Variants in RANBP10 observed in about 807,000 individuals in gnomAD.
The protein encoded by RANBP10 is ran-binding protein 10.
RANBP10 carries 24 observed loss-of-function variants against 72.8 expected under a neutral mutation model. The observed-to-expected ratio is 0.33, with a 90% CI of 0.24 to 0.46. The LOEUF (loss-of-function observed/expected upper bound fraction) is 0.46. RANBP10 is among the 20% of genes least tolerant of loss of function. The pLI, the probability that RANBP10 is intolerant of heterozygous loss-of-function variation, is 1.00. For synonymous variants in RANBP10, 310 were observed against 322.3 expected (o/e 0.96, Z 0.41); for missense variants, 679 against 817.5 (o/e 0.83, Z 2.07).
intron 3 of RANBP10, among the ~76,000 whole-genome samples, chr16:67,767,294 A>G (rs2054520040): frequency 1.3e-5 from 2 of 151,956 alleles, no homozygotes; most frequent in African/African-American, 4.8e-5. Context: ...TGGGTGACAC[A>G]AAAACAGTTT....
At chr16:67,771,256 A>AAT (rs980933116) in intron 3 of RANBP10, among the ~76,000 whole-genome samples, 9 of 152,142 alleles carry the variant, frequency 5.9e-5, no homozygotes, top group Non-Finnish European at 1.5e-5. Context: ...CCCTGTCTCA[A>AAT]ATATATATAT....
rs1040254799 is a variant in RANBP10, at chr16:67,723,938, A to T, written c.*2490T>A. On this transcript the variant is annotated 3_prime_UTR_variant, in exon 14 of 14. Transcript: ENST00000317506. The stretch of plus-strand genomic sequence containing the variant: ...CTTGTGGGGCAAAGGCTTATGTCCC[A>T]AAGGTGAGCTGCCCAACTGGGACAG... The T allele has an allele frequency of 6.6e-5, 10 of 152,670 alleles. No homozygotes were observed. Among genetic ancestry groups the T allele is most frequent in the African/African-American group, 2.2e-4 (9 of 41,472 alleles). 9.5% of individuals were successfully genotyped at this position (152,670 alleles called of 1,614,324 possible). A position where few individuals can be genotyped will look rare whatever the true frequency, so the allele number is the denominator to read the frequency against.
intron 3 of RANBP10, among the ~76,000 whole-genome samples, chr16:67,747,722 C>A (rs1243486036): frequency 6.6e-6 from 1 of 151,824 alleles, no homozygotes; most frequent in Non-Finnish European, 1.5e-5. Context: ...CCAGGCTGGT[C>A]TCGAACTCCT....
At chr16:67,776,296 A>G (rs1416657690) in intron 2 of RANBP10, among the ~76,000 whole-genome samples, 4 of 150,904 alleles carry the variant, frequency 2.7e-5, no homozygotes, top group Non-Finnish European at 5.9e-5. Flanking sequence ...ACCAATCTCT[A>G]ATAAAATACA....
chr16:67,790,739 G>A (rs1408839488), intron 2 of RANBP10, among the ~76,000 whole-genome samples: 2 of 151,722 alleles, frequency 1.3e-5, no homozygotes, highest in African/African-American at 2.4e-5. Context: ...TCAATCTGTT[G>A]CCTAGGCTGG....
At chr16:67,779,484 A>G (rs2054772789) in intron 2 of RANBP10, among the ~76,000 whole-genome samples, 1 of 152,056 alleles carries the variant, frequency 6.6e-6, no homozygotes, top group East Asian at 1.9e-4. Context: ...AGGAAAGGGC[A>G]TAACAAAAAC....
intron 3 of RANBP10, among the ~76,000 whole-genome samples, chr16:67,768,793 T>G (rs1268980417): frequency 6.6e-6 from 1 of 152,236 alleles, no homozygotes; most frequent in Non-Finnish European, 1.5e-5. Context: ...TAAGACTACC[T>G]AAAAGACAAA....
chr16:67,801,022 G>C (rs957721847), intron 2 of RANBP10, among the ~76,000 whole-genome samples: 1 of 152,082 alleles, frequency 6.6e-6, no homozygotes, highest in African/African-American at 2.4e-5. Flanking sequence ...GAACATAGTA[G>C]GTATATATAA....
chr16:67,803,875 C>G (rs2055283565), intron 2 of RANBP10, among the ~76,000 whole-genome samples: 1 of 149,006 alleles, frequency 6.7e-6, no homozygotes, highest in Admixed American at 6.8e-5. Context: ...AAAGATACAG[C>G]AGCTTCCCAT....
intron 3 of RANBP10, among the ~76,000 whole-genome samples, chr16:67,760,249 G>A (rs1035828377): frequency 2.6e-5 from 4 of 152,212 alleles, no homozygotes; most frequent in Admixed American, 6.5e-5. Context: ...AGGGAGGAAC[G>A]ATATCAAACA....
chr16:67,747,041 A>C (rs575466135), intron 3 of RANBP10, among the ~76,000 whole-genome samples: 104 of 152,334 alleles, frequency 6.8e-4, no homozygotes, highest in African/African-American at 2.4e-3. Flanking sequence ...CTCTTGGGTA[A>C]ATACTTACAA....
At position 67,729,395 on chromosome 16, in the gene RANBP10, A is replaced by C; in HGVS notation, c.1237T>G (p.Ser413Ala). Residue 413 changes from serine (S) to alanine (A), a missense_variant, in exon 10 of 14, where the codon TCG becomes GCG. By Grantham distance (99) the Ser-to-Ala change is moderately conservative. Coordinates refer to ENST00000317506, the MANE Select transcript of RANBP10 (RefSeq NM_020850.3). This position sits in a 1 kb window ranked among gnomAD's most constrained non-coding sequence, Gnocchi z 7.1. Reference sequence around the variant, plus strand: ...GAGGACGAGGAGGAGGAGGAGGACGAGGATGAGGAGCTGGGTGCAGGGTAT... The same window carrying C: ...GAGGACGAGGAGGAGGAGGAGGACGCGGATGAGGAGCTGGGTGCAGGGTAT... ...SKYPAPSSSS[S>A]SSSSSSSSSP... 1 of 1,611,538 alleles carries C rather than the reference A, an allele frequency of 6.2e-7. No individual in the cohort carries two copies. Among genetic ancestry groups the C allele is most frequent in the Admixed American group, 1.7e-5 (1 of 59,680 alleles).
At chr16:67,758,229 T>G (rs1243009655) in intron 3 of RANBP10, among the ~76,000 whole-genome samples, 1 of 152,192 alleles carries the variant, frequency 6.6e-6, no homozygotes. Flanking sequence ...CAGCACTACC[T>G]GCCAACACCT....
chr16:67,750,734 A>C (rs2054177803), intron 3 of RANBP10, among the ~76,000 whole-genome samples: 1 of 150,888 alleles, frequency 6.6e-6, no homozygotes, highest in Admixed American at 6.6e-5. Flanking sequence ...ATAAGACATA[A>C]GCTGGAAGGT....
At chr16:67,784,617 T>C (rs548765609) in intron 2 of RANBP10, among the ~76,000 whole-genome samples, 1 of 151,902 alleles carries the variant, frequency 6.6e-6, no homozygotes, top group Admixed American at 6.6e-5. Context: ...GATCGAGTCA[T>C]TGCGCTCCAG....
intron 4 of RANBP10, among the ~76,000 whole-genome samples, chr16:67,741,415 G>C (rs1026405619): frequency 1.3e-5 from 2 of 152,232 alleles, no homozygotes; most frequent in African/African-American, 4.8e-5. Flanking sequence ...TTGATGGCAA[G>C]ATCTGAGTTG....
chr16:67,768,092 A>G (rs1171002836), intron 3 of RANBP10, among the ~76,000 whole-genome samples: 1 of 151,802 alleles, frequency 6.6e-6, no homozygotes, highest in African/African-American at 2.4e-5. Flanking sequence ...TTTTTATTAA[A>G]GAAAAAAGAA....
At chr16:67,769,745 CAAAAAAAAAAAAAAAAA>C (rs58319144) in intron 3 of RANBP10, among the ~76,000 whole-genome samples, 9 of 27,724 alleles carry the variant, frequency 3.2e-4, no homozygotes, top group Admixed American at 2.6e-3. Context: ...GACTCCGTCT[CAAAAAAAAAAAAAAAAA>C]AAAAAAAAAA....
chr16:67,774,988 G>A (rs1474955407), intron 2 of RANBP10, among the ~76,000 whole-genome samples: 1 of 152,134 alleles, frequency 6.6e-6, no homozygotes, highest in Non-Finnish European at 1.5e-5. Context: ...AGGAATAAAA[G>A]GAAACTACCT....
Sources: gnomAD v4.1 joint callset for allele counts (sites outside exome capture counted in the v4.1 genomes callset) on GRCh38, gnomAD v4.1.1 for gene constraint, Gnocchi (gnomAD v3.1) non-coding constraint, MANE v1.5 for transcripts, NCBI Gene and HGNC (gene_info 2026-07-23, HGNC 2026-07-21) for gene names.